ANK3: variants seen among roughly 807,000 people sequenced by gnomAD.
The protein encoded by ANK3 is ankyrin 3.
Under a neutral mutation model 370.9 loss-of-function variants are expected in ANK3, and 57 were observed. The ratio of observed to expected loss-of-function variants is 0.15; its 90% confidence interval spans 0.12 to 0.19. The LOEUF (loss-of-function observed/expected upper bound fraction) is 0.19. Ranked by LOEUF, ANK3 falls within the 10% of genes least tolerant of loss-of-function variation. The pLI is 1.00. For synonymous variants in ANK3, 1,929 were observed against 1,946.3 expected, an observed-to-expected ratio of 0.99 and a Z score of 0.23; for missense variants, 4,439 against 5,302.1, an observed-to-expected ratio of 0.84 and a Z score of 5.06.
chr10:60,149,195 C>T (rs2094971397), intron 23 of ANK3, among the ~76,000 whole-genome samples: 2 of 152,188 alleles, frequency 1.3e-5, no homozygotes, highest in Admixed American at 6.5e-5. Flanking sequence ...CCTCAGTTCT[C>T]ATTCTCACTG....
At chr10:60,035,566 C>T (rs920498759) in intron 43 of ANK3, among the ~76,000 whole-genome samples, 1 of 151,794 alleles carries the variant, frequency 6.6e-6, no homozygotes, top group Middle Eastern at 3.2e-3. Flanking sequence ...AAGAGAGCCA[C>T]AAAGCTTTTA....
At position 60,572,742 on chromosome 10, in the gene ANK3, G is replaced by A. The variant is rs2077629327; in HGVS notation, c.96+42444C>T. On this transcript the variant is annotated intron_variant, in intron 2 of 43. Transcript: ENST00000373827. The stretch of plus-strand genomic sequence containing the variant: ...TCAGCTTTCCTCAGGAAGAAACTGG[G>A]TGTTCTCTATATCAAACAGTCAATT... The A allele has an allele frequency of 7.4e-6, 10 of 1,360,530 alleles. No individual in the cohort carries two copies. The South Asian group carries it at 1.4e-4, about 19-fold the overall frequency. 84.3% of individuals were successfully genotyped at this position (1,360,530 alleles called of 1,614,324 possible).
chr10:60,507,173 T>A (rs1297840272), intron 2 of ANK3, among the ~76,000 whole-genome samples: 1 of 152,074 alleles, frequency 6.6e-6, no homozygotes, highest in Non-Finnish European at 1.5e-5. Context: ...GTATCAATTT[T>A]TCTAAAAAGA....
chr10:60,724,103 G>A (rs1315403820), intron 1 of ANK3, among the ~76,000 whole-genome samples: 1 of 130,334 alleles, frequency 7.7e-6, no homozygotes, highest in Non-Finnish European at 1.7e-5. Context: ...CCAGCTACTC[G>A]GGAGGCTGAG....
rs72388493 is a variant in ANK3, at chr10:60,235,550, G to GTT, written c.799-766_799-765dup. On this transcript the variant is annotated intron_variant, in intron 7 of 43. Transcript: ENST00000280772. ...ATCAAAAACAATTCCCTGATTTCTT[G>GTT]TTTTTTTTTTTTTTTTTTTTTTTTT... is the stretch of plus-strand genomic sequence containing the variant. 9.8e-4 allele frequency among the ~76,000 whole-genome samples: 113 copies of GTT among 115,056 alleles called. 5 individuals carry two copies. Among genetic ancestry groups the GTT allele is most frequent in the East Asian group, 1.8e-3 (7 of 3,814 alleles). The allele number at this position is 115,056 out of a possible 152,430, so 75.5% of individuals were successfully genotyped here. A position where few individuals can be genotyped will look rare whatever the true frequency, so the allele number is the denominator to read the frequency against.
intron 16 of ANK3, among the ~76,000 whole-genome samples, chr10:60,195,735 T>A (rs890471264): frequency 6.6e-6 from 1 of 152,184 alleles, no homozygotes; most frequent in Non-Finnish European, 1.5e-5. Flanking sequence ...AAAACACACA[T>A]GTAAAACCTC....
chr10:60,682,864 C>T (rs768574525), intron 1 of ANK3, among the ~76,000 whole-genome samples: 3 of 152,144 alleles, frequency 2.0e-5, no homozygotes, highest in Non-Finnish European at 4.4e-5. Flanking sequence ...TAAATGTTTC[C>T]CTGAGCTCTG....
At chr10:60,160,565 C>T (rs1276879628) in intron 23 of ANK3, among the ~76,000 whole-genome samples, 1 of 151,952 alleles carries the variant, frequency 6.6e-6, no homozygotes. Flanking sequence ...CCAGTGTTAC[C>T]ATGATACCAA....
chr10:60,321,627 A>G (rs1293426169), intron 1 of ANK3, among the ~76,000 whole-genome samples: 6 of 152,234 alleles, frequency 3.9e-5, no homozygotes, highest in African/African-American at 1.4e-4. Flanking sequence ...GATAGACACC[A>G]CTATCAGTCT....
At chr10:60,314,904 T>G (rs1439664404) in intron 1 of ANK3, among the ~76,000 whole-genome samples, 1 of 152,242 alleles carries the variant, frequency 6.6e-6, no homozygotes, top group Non-Finnish European at 1.5e-5. Context: ...GCTTGTGTTC[T>G]GGATCTCAGA....
intron 8 of ANK3, among the ~76,000 whole-genome samples, chr10:60,232,333 C>G (rs569113081): frequency 6.6e-6 from 1 of 150,446 alleles, no homozygotes; most frequent in South Asian, 2.2e-4. Context: ...ACCCTCATTT[C>G]CCTTTGCAAA....
At chr10:60,629,743 T>C (rs1475341758) in intron 1 of ANK3, among the ~76,000 whole-genome samples, 1 of 152,136 alleles carries the variant, frequency 6.6e-6, no homozygotes, top group Non-Finnish European at 1.5e-5. Context: ...TAAAAATCTT[T>C]TATAAAAAAA....
At chr10:60,105,010 T>C (rs955313874) in intron 28 of ANK3, among the ~76,000 whole-genome samples, 4 of 152,180 alleles carry the variant, frequency 2.6e-5, no homozygotes, top group Admixed American at 2.0e-4. Context: ...TGAAACTCAC[T>C]GGAGACTATG....
At chr10:60,115,402 CTAGCA>C (rs2093015021) in intron 25 of ANK3, among the ~76,000 whole-genome samples, 1 of 152,152 alleles carries the variant, frequency 6.6e-6, no homozygotes, top group African/African-American at 2.4e-5. Flanking sequence ...TACACCATGT[CTAGCA>C]TAAAGTGAAA....
intron 2 of ANK3, among the ~76,000 whole-genome samples, chr10:60,583,959 G>T (rs1426970327): frequency 6.6e-6 from 1 of 152,058 alleles, no homozygotes; most frequent in African/African-American, 2.4e-5. Context: ...TTCCTAATTT[G>T]ATCTTTACAC....
At chr10:60,150,108 C>T (rs890912574) in intron 23 of ANK3, among the ~76,000 whole-genome samples, 1 of 152,186 alleles carries the variant, frequency 6.6e-6, no homozygotes, top group Non-Finnish European at 1.5e-5. Context: ...CTTCATCCTT[C>T]ACCACTCCCT....
At chr10:60,483,800 C>G (rs997956197) in intron 2 of ANK3, among the ~76,000 whole-genome samples, 1 of 152,176 alleles carries the variant, frequency 6.6e-6, no homozygotes, top group Middle Eastern at 3.2e-3. Context: ...TACCGCCGAA[C>G]AAGACCTTAT....
intron 28 of ANK3, among the ~76,000 whole-genome samples, chr10:60,094,193 T>G (rs2089512949): frequency 6.6e-6 from 1 of 150,376 alleles, no homozygotes; most frequent in South Asian, 2.1e-4. Context: ...TTTTTTTTTT[T>G]TTTTTTTTTG....
At chr10:60,054,549 C>T (rs1300185303) in intron 42 of ANK3, among the ~76,000 whole-genome samples, 1 of 152,144 alleles carries the variant, frequency 6.6e-6, no homozygotes, top group East Asian at 1.9e-4. Flanking sequence ...TAGAACTAAA[C>T]TTCCTCTTAC....
Sources: allele counts gnomAD v4.1 joint callset (sites outside exome capture counted in the v4.1 genomes callset), GRCh38; gene constraint gnomAD v4.1.1; transcripts MANE v1.5; gene names NCBI Gene and HGNC (gene_info 2026-07-23, HGNC 2026-07-21).